The following SGIP1 variants were observed in gnomAD, a reference collection of about 807,000 sequenced individuals.
SGIP1 encodes SH3GL interacting endocytic adaptor 1, also known as SH3-containing GRB2-like protein 3-interacting protein 1.
SGIP1 carries 38 observed loss-of-function variants against 107.5 expected under a neutral mutation model. The observed-to-expected ratio is 0.35, with a 90% confidence interval of 0.27 to 0.46. The LOEUF is 0.46. SGIP1 is among the 20% of genes least tolerant of loss of function. The probability of loss-of-function intolerance (pLI) is 1.00; values close to 1 mark genes in which losing one functional copy is unlikely to be tolerated. For synonymous variants in SGIP1, 365 were observed against 366.1 expected (o/e 1.00, Z 0.03); for missense variants, 929 against 1,019.5 (o/e 0.91, Z 1.21).
rs576374974 is a variant in SGIP1 at position 66,561,996 on chromosome 1, G to A, written c.10+27628G>A. Among the ~76,000 whole-genome samples, 15 of 152,000 alleles carry A rather than the reference G, an allele frequency of 9.9e-5. No individual in the cohort carries two copies. In the South Asian group the frequency reaches 2.7e-3, roughly 27 times the overall value. On this transcript the variant is annotated intron_variant, in intron 1 of 24. Coordinates refer to ENST00000371037, the MANE Select transcript of SGIP1 (RefSeq NM_032291.4). ...TTGCCCATTCCTGATAAAATCTTGA[G>A]TCACAGATAGCAGTAGTCATACATC...
rs1057301453 is a variant in SGIP1 at position 66,636,014 on chromosome 1, C to T, written c.170C>T (p.Ser57Leu). 29 of 1,612,936 alleles carry T rather than the reference C, an allele frequency of 1.8e-5. No individual in the cohort carries two copies. Among genetic ancestry groups the T allele is most frequent in the African/African-American group, 4.0e-5 (3 of 74,794 alleles). ...ECAREGGKKV[S>L]KKSNGAPNGF... ...GCGCGTGAAGGAGGAAAAAAAGTTT[C>T]GGTAAGGAAACAGATTTTAGTTTAA... is the stretch of plus-strand genomic sequence containing the variant. Residue 57 changes from serine (S) to leucine (L), a missense_variant and splice_region_variant, in exon 4 of 25, where the codon TCG (serine) becomes TTG (leucine). Ser to Leu is a moderately radical substitution (Grantham distance 145). Transcript: ENST00000371037.
chr1:66,641,612 C>G (rs1255171221), intron 5 of SGIP1, among the ~76,000 whole-genome samples: 1 of 152,076 alleles, frequency 6.6e-6, no homozygotes, highest in Admixed American at 6.6e-5. Context: ...TCTTATTTTC[C>G]CCCTTGATAA....
chr1:66,627,088 G>C (rs188935270), intron 2 of SGIP1, among the ~76,000 whole-genome samples: 1 of 152,156 alleles, frequency 6.6e-6, no homozygotes, highest in East Asian at 1.9e-4. Context: ...GACTAATATG[G>C]TACCTAATAC....
At chr1:66,568,594 C>T (rs1373267660) in intron 1 of SGIP1, among the ~76,000 whole-genome samples, 4 of 151,984 alleles carry the variant, frequency 2.6e-5, no homozygotes, top group East Asian at 1.9e-4. Flanking sequence ...GGAATGCTTC[C>T]AGCTTTTGCC....
chr1:66,729,883 C>G (rs547040102), intron 20 of SGIP1, among the ~76,000 whole-genome samples: 1 of 152,144 alleles, frequency 6.6e-6, no homozygotes, highest in Non-Finnish European at 1.5e-5. Context: ...CTCTCTGCAA[C>G]CTCCGCCTCC....
chr1:66,534,480 G>A (rs896493816), intron 1 of SGIP1, 112 bp downstream of exon 1: 3 of 1,220,600 alleles, frequency 2.5e-6, no homozygotes, highest in East Asian at 4.7e-5. Context: ...GGTTGCCAAT[G>A]TTTTGCAAGC....
chr1:66,551,643 G>A (rs1258800323), intron 1 of SGIP1, among the ~76,000 whole-genome samples: 1 of 152,122 alleles, frequency 6.6e-6, no homozygotes. Flanking sequence ...TCCTCTCCAA[G>A]TTTATTTATA....
intron 1 of SGIP1, among the ~76,000 whole-genome samples, chr1:66,540,537 G>T (rs1006986125): frequency 3.3e-5 from 5 of 152,100 alleles, no homozygotes; most frequent in African/African-American, 1.2e-4. Context: ...GGCTTATAAA[G>T]CCAGCAGGTT....
intron 17 of SGIP1, among the ~76,000 whole-genome samples, chr1:66,692,859 G>C (rs530360780): frequency 1.3e-5 from 2 of 152,286 alleles, no homozygotes; most frequent in South Asian, 4.1e-4. Flanking sequence ...AATCTCTCAT[G>C]ACAGCTGTGA....
At chr1:66,733,725 C>T (rs1274613907) in intron 20 of SGIP1, 23 bp from the exon 21 acceptor site, 2 of 1,604,130 alleles carry the variant, frequency 1.2e-6, no homozygotes, top group Admixed American at 3.4e-5. Context: ...GCTACTCAAT[C>T]ATTTTTCTTC....
intron 1 of SGIP1, among the ~76,000 whole-genome samples, chr1:66,584,900 C>T (rs1237188824): frequency 6.6e-6 from 1 of 152,166 alleles, no homozygotes; most frequent in East Asian, 1.9e-4. Flanking sequence ...TCATGCCCTT[C>T]TCAAATGTTT....
intron 20 of SGIP1, among the ~76,000 whole-genome samples, chr1:66,729,755 G>A (rs911314099): frequency 1.3e-5 from 2 of 152,168 alleles, no homozygotes; most frequent in African/African-American, 4.8e-5. Context: ...GGTGGGAAAT[G>A]AGCCAAATAA....
At chr1:66,574,692 A>T (rs1396046521) in intron 1 of SGIP1, among the ~76,000 whole-genome samples, 1 of 152,060 alleles carries the variant, frequency 6.6e-6, no homozygotes, top group African/African-American at 2.4e-5. Context: ...CGGAACATTC[A>T]CTGGTTCCCC....
intron 17 of SGIP1, chr1:66,695,113 G>T: frequency 4.4e-6 from 2 of 451,892 alleles, no homozygotes; most frequent in South Asian, 6.7e-5. Context: ...CCAAATTAGT[G>T]CAGTTAAAAT....
chr1:66,550,123 A>C (rs1187866698), intron 1 of SGIP1, among the ~76,000 whole-genome samples: 1 of 152,144 alleles, frequency 6.6e-6, no homozygotes, highest in Non-Finnish European at 1.5e-5. Context: ...TATTCTTGAG[A>C]AAGTCTTTCT....
chr1:66,540,769 C>T (rs578205276), intron 1 of SGIP1, among the ~76,000 whole-genome samples: 2 of 152,306 alleles, frequency 1.3e-5, no homozygotes, highest in Admixed American at 6.5e-5. Context: ...ACCCAGAAGT[C>T]AGACTTGAGT....
In SGIP1 at chr1:66,614,782, T is replaced by G. The variant is rs1262833917; in HGVS notation, c.11-11065T>G. On this transcript the variant is annotated intron_variant, in intron 1 of 24. Transcript: ENST00000371037. The stretch of plus-strand genomic sequence containing the variant: ...GGTAGGTTAGAATTAAACAGAAGAA[T>G]TCTAATAGGGGCTATGTTCCAGCTG... 2.0e-5 allele frequency among the ~76,000 whole-genome samples: 3 copies of G among 150,356 alleles called. No individual in the cohort carries two copies. The East Asian group carries it at 5.9e-4, about 29-fold the overall frequency.
chr1:66,682,438 C>A, intron 15 of SGIP1, 69 bp downstream of exon 15: 1 of 1,529,708 alleles, frequency 6.5e-7, no homozygotes, highest in Non-Finnish European at 8.8e-7. Context: ...GTGAGCAACA[C>A]CGTCCTCCTG....
intron 1 of SGIP1, among the ~76,000 whole-genome samples, chr1:66,547,339 A>T (rs2056593296): frequency 6.6e-6 from 1 of 152,194 alleles, no homozygotes; most frequent in Non-Finnish European, 1.5e-5. Flanking sequence ...GCAACAATGG[A>T]TACATAGTGG....
Sources: allele counts gnomAD v4.1 joint callset (sites outside exome capture counted in the v4.1 genomes callset), GRCh38; gene constraint gnomAD v4.1.1; transcripts MANE v1.5; gene names NCBI Gene and HGNC (gene_info 2026-07-23, HGNC 2026-07-21).